Variants in GRM5 observed in about 807,000 individuals in gnomAD.
GRM5 encodes the protein metabotropic glutamate receptor 5.
A neutral mutation model predicts 83.1 loss-of-function variants in GRM5; 19 were observed. The ratio of observed to expected loss-of-function variants is 0.23; its 90% CI spans 0.16 to 0.34. The LOEUF (loss-of-function observed/expected upper bound fraction) is 0.34, where lower values mean the gene tolerates loss of function less well. Among genes scored for constraint, GRM5 ranks in the 10% least tolerant of loss-of-function variants. The pLI is 1.00. For missense variants in GRM5, 1,160 were observed against 1,588.3 expected, an observed-to-expected ratio of 0.73 and a Z score of 4.58; for synonymous variants, 675 against 633.6, an observed-to-expected ratio of 1.07 and a Z score of -0.98.
chr11:88,544,948 T>C (rs886493966), intron 8 of GRM5, among the ~76,000 whole-genome samples: 2 of 152,190 alleles, frequency 1.3e-5, no homozygotes, highest in African/African-American at 4.8e-5. Context: ...AATGTTCTAT[T>C]TGACGAATGA....
At chr11:88,627,422 T>C (rs1249471078) in intron 4 of GRM5, among the ~76,000 whole-genome samples, 1 of 152,180 alleles carries the variant, frequency 6.6e-6, no homozygotes, top group African/African-American at 2.4e-5. Flanking sequence ...GCAGTTACTA[T>C]CTGAAAGATG....
chr11:88,858,204 T>C (rs574224853), intron 2 of GRM5, among the ~76,000 whole-genome samples: 1 of 152,184 alleles, frequency 6.6e-6, no homozygotes, highest in African/African-American at 2.4e-5. Context: ...GCTTTAGTTA[T>C]TACTCTAGGA....
At chr11:88,615,229 G>C (rs982204609) in intron 4 of GRM5, among the ~76,000 whole-genome samples, 1 of 152,168 alleles carries the variant, frequency 6.6e-6, no homozygotes, top group African/African-American at 2.4e-5. Context: ...ATCACCCAGA[G>C]ACCCAAGTGA....
chr11:88,536,115 T>C (rs1477430739), intron 8 of GRM5, among the ~76,000 whole-genome samples: 2 of 152,224 alleles, frequency 1.3e-5, no homozygotes, highest in Non-Finnish European at 2.9e-5. Context: ...ATTCTTAAAC[T>C]GATTAGGTCA....
At chr11:88,963,305 A>G (rs1938840817) in intron 2 of GRM5, among the ~76,000 whole-genome samples, 1 of 152,254 alleles carries the variant, frequency 6.6e-6, no homozygotes, top group Non-Finnish European at 1.5e-5. Flanking sequence ...CCTTTCTAAT[A>G]GTAATAAAAT....
chr11:88,604,020 A>C (rs1442385615), intron 5 of GRM5, among the ~76,000 whole-genome samples: 1 of 152,150 alleles, frequency 6.6e-6, no homozygotes, highest in African/African-American at 2.4e-5. Context: ...TTATAGATTA[A>C]AAGTGTCTAT....
intron 2 of GRM5, among the ~76,000 whole-genome samples, chr11:89,028,019 T>C (rs1396856368): frequency 2.6e-5 from 4 of 152,176 alleles, no homozygotes; most frequent in Non-Finnish European, 5.9e-5. Flanking sequence ...GATGAAGTAT[T>C]TCTTCCTCCA....
At chr11:88,700,872 G>C (rs1430709161) in intron 3 of GRM5, among the ~76,000 whole-genome samples, 2 of 152,078 alleles carry the variant, frequency 1.3e-5, no homozygotes, top group African/African-American at 4.8e-5. Flanking sequence ...GCACGGATGG[G>C]GTGCCATTTT....
intron 3 of GRM5, among the ~76,000 whole-genome samples, chr11:88,826,832 T>C (rs570172732): frequency 6.6e-6 from 1 of 152,284 alleles, no homozygotes; most frequent in African/African-American, 2.4e-5. Context: ...AATTTTCCCA[T>C]AGGAGTGGTA....
intron 2 of GRM5, among the ~76,000 whole-genome samples, chr11:88,948,233 C>T (rs560099179): frequency 1.3e-5 from 2 of 152,208 alleles, no homozygotes; most frequent in East Asian, 3.9e-4. Flanking sequence ...ATTCTTACTG[C>T]CCATATTAGT....
intron 2 of GRM5, among the ~76,000 whole-genome samples, chr11:89,024,946 A>AT (rs1941093617): frequency 6.6e-6 from 1 of 152,162 alleles, no homozygotes; most frequent in Non-Finnish European, 1.5e-5. Flanking sequence ...CTAACAGACA[A>AT]TTTTTCCACT....
intron 3 of GRM5, among the ~76,000 whole-genome samples, chr11:88,661,530 C>A (rs1331868398): frequency 1.3e-5 from 2 of 151,930 alleles, no homozygotes; most frequent in African/African-American, 4.8e-5. Context: ...CACATGTAAT[C>A]ATCATCCTGC....
Position 88,611,869 on chromosome 11 carries a change from A to G in GRM5, c.1148-6905T>C, listed in dbSNP as rs539200826. On this transcript the variant is annotated intron_variant, in intron 4 of 9. Coordinates refer to ENST00000305447, the MANE Select transcript of GRM5 (RefSeq NM_001143831.3). ...TTGATGTAGGCATTTAGTGCTATAA[A>G]CTTTCCTCCTAATACTGCTTTAGCT... 6.6e-5 allele frequency among the ~76,000 whole-genome samples: 10 copies of G among 150,386 alleles called. 1 individual carries two copies. The highest frequency in any genetic ancestry group is 1.0e-4 in the Non-Finnish European group (7 of 66,932).
At chr11:88,535,499 G>T (rs1051877412) in intron 8 of GRM5, among the ~76,000 whole-genome samples, 2 of 152,186 alleles carry the variant, frequency 1.3e-5, no homozygotes, top group Non-Finnish European at 2.9e-5. Context: ...TGGAAAGGTC[G>T]AAATAAGTAG....
chr11:88,745,190 T>G (rs536958482), intron 3 of GRM5, among the ~76,000 whole-genome samples: 1 of 24,506 alleles, frequency 4.1e-5, no homozygotes, highest in African/African-American at 1.3e-4. Flanking sequence ...TTTTTTCTTT[T>G]TATTTTTCTT....
At chr11:88,806,618 T>G (rs1432306605) in intron 3 of GRM5, among the ~76,000 whole-genome samples, 1 of 152,160 alleles carries the variant, frequency 6.6e-6, no homozygotes, top group Non-Finnish European at 1.5e-5. Context: ...AGAGGATAGC[T>G]CTGTGGCTGA....
chr11:89,043,368 TAATG>T (rs1438981597), intron 2 of GRM5, among the ~76,000 whole-genome samples: 1 of 152,166 alleles, frequency 6.6e-6, no homozygotes, highest in African/African-American at 2.4e-5. Context: ...TTACTTTTCT[TAATG>T]AAGTTGAACT....
At chr11:88,674,285 C>A (rs910104829) in intron 3 of GRM5, among the ~76,000 whole-genome samples, 5 of 151,870 alleles carry the variant, frequency 3.3e-5, no homozygotes, top group Admixed American at 2.0e-4. Flanking sequence ...GTCTCTCATC[C>A]TACAGGCCGA....
At chr11:88,552,206 T>C (rs1942525438) in intron 8 of GRM5, among the ~76,000 whole-genome samples, 1 of 151,984 alleles carries the variant, frequency 6.6e-6, no homozygotes, top group South Asian at 2.1e-4. Flanking sequence ...TTTAATTTTT[T>C]TGTAGCGATG....
Sources: gnomAD v4.1 joint callset for allele counts (sites outside exome capture counted in the v4.1 genomes callset) on GRCh38, gnomAD v4.1.1 for gene constraint, MANE v1.5 for transcripts, NCBI Gene and HGNC (gene_info 2026-07-23, HGNC 2026-07-21) for gene names.